PTPRN2: variants seen among roughly 807,000 people sequenced by gnomAD.
PTPRN2 encodes protein tyrosine phosphatase receptor type N2.
In PTPRN2, 74 loss-of-function variants were observed where a neutral mutation model predicts 118.8. The ratio of observed to expected loss-of-function variants is 0.62; its 90% CI spans 0.52 to 0.76. PTPRN2 has a LOEUF of 0.76. Ranked by LOEUF, PTPRN2 falls within the 30% of genes least tolerant of loss-of-function variation. The probability of loss-of-function intolerance (pLI) is 0.00; values close to 1 mark genes in which losing one functional copy is unlikely to be tolerated. For missense variants in PTPRN2, 1,481 were observed against 1,394.4 expected (o/e 1.06, Z -0.99); for synonymous variants, 641 against 608.0 (o/e 1.05, Z -0.80).
chr7:157,595,467 G>A (rs1263680239), intron 16 of PTPRN2, 152 bp from the exon 17 acceptor site: 3 of 648,414 alleles, frequency 4.6e-6, no homozygotes, highest in Non-Finnish European at 7.9e-6. Flanking sequence ...AAACCTGGGG[G>A]TTAGGAAGCC....
chr7:158,334,865 C>T (rs372585585), intron 2 of PTPRN2, among the ~76,000 whole-genome samples: 1 of 17,160 alleles, frequency 5.8e-5, no homozygotes, highest in Non-Finnish European at 1.7e-4. Flanking sequence ...CTCACACCCA[C>T]ACTCTCACCA....
At chr7:157,797,736 T>C (rs561518644) in intron 12 of PTPRN2, among the ~76,000 whole-genome samples, 2 of 152,342 alleles carry the variant, frequency 1.3e-5, no homozygotes, top group East Asian at 3.9e-4. Context: ...AGGGGCTGCG[T>C]TGGGCCAGGC....
chr7:157,854,070 TGGTGGG>T (rs1272365571), intron 12 of PTPRN2, among the ~76,000 whole-genome samples: 2 of 152,084 alleles, frequency 1.3e-5, no homozygotes, highest in Admixed American at 6.5e-5. Flanking sequence ...AGCCTGTGAG[TGGTGGG>T]CGATGAATCT....
chr7:158,394,216 C>T (rs1010373801), intron 2 of PTPRN2, among the ~76,000 whole-genome samples: 4 of 152,056 alleles, frequency 2.6e-5, no homozygotes, highest in South Asian at 2.1e-4. Context: ...ATGTCCCCCA[C>T]AGATGCCTGG....
chr7:158,149,886 G>A (rs1820776708), intron 6 of PTPRN2, among the ~76,000 whole-genome samples: 1 of 151,038 alleles, frequency 6.6e-6, no homozygotes, highest in Admixed American at 6.6e-5. Flanking sequence ...TCTAAGTTAT[G>A]CTGAACAAAA....
intron 11 of PTPRN2, among the ~76,000 whole-genome samples, chr7:157,957,050 C>T (rs1801227393): frequency 6.6e-6 from 1 of 152,142 alleles, no homozygotes; most frequent in South Asian, 2.1e-4. Flanking sequence ...ACCACATGAG[C>T]GAATGGCCAC....
At chr7:158,415,697 C>T (rs765814510) in intron 2 of PTPRN2, among the ~76,000 whole-genome samples, 3 of 152,158 alleles carry the variant, frequency 2.0e-5, no homozygotes, top group Admixed American at 6.5e-5. Context: ...ATCCCATACA[C>T]GCAAATCCTC....
At chr7:157,607,781 C>A (rs534769391) in intron 15 of PTPRN2, among the ~76,000 whole-genome samples, 14 of 152,322 alleles carry the variant, frequency 9.2e-5, no homozygotes, top group Middle Eastern at 3.4e-3. Context: ...TAAGAAAATG[C>A]TTCCCTAGCT....
At chr7:157,582,737 C>G (rs552400952) in intron 17 of PTPRN2, among the ~76,000 whole-genome samples, 116 of 151,726 alleles carry the variant, frequency 7.6e-4, no homozygotes, top group Non-Finnish European at 1.4e-3. Context: ...AGCCGGGTAT[C>G]GTGGCATGCA....
In PTPRN2 at chr7:157,861,090, G is replaced by A. The variant is rs1337511685; in HGVS notation, c.1788+37583C>T. The stretch of plus-strand genomic sequence containing the variant: ...TGGAAGAGGAACCCCACGGCACAGC[G>A]GACACCATGTGGGACCCCAGCACGG... On this transcript the variant is annotated intron_variant, in intron 12 of 22. Transcript: ENST00000389418. The surrounding 1 kb of genome is among the most constrained non-coding windows in gnomAD (Gnocchi z 5.8). 4.6e-5 allele frequency among the ~76,000 whole-genome samples: 7 copies of A among 152,194 alleles called. No homozygotes were observed. Among genetic ancestry groups the A allele is most frequent in the East Asian group, 1.9e-4 (1 of 5,192 alleles).
At chr7:158,159,901 G>C (rs1440667226) in intron 6 of PTPRN2, among the ~76,000 whole-genome samples, 1 of 150,496 alleles carries the variant, frequency 6.6e-6, no homozygotes, top group African/African-American at 2.4e-5. Context: ...AATCTCAAAA[G>C]ATACAGTCCC....
intron 3 of PTPRN2, among the ~76,000 whole-genome samples, chr7:158,313,044 G>A (rs536782083): frequency 4.0e-4 from 61 of 151,982 alleles, no homozygotes; most frequent in Non-Finnish European, 7.4e-4. Flanking sequence ...ATGAGCACGT[G>A]AATGTGTGTG....
At chr7:158,103,154 C>T (rs1815381749) in intron 10 of PTPRN2, among the ~76,000 whole-genome samples, 1 of 152,240 alleles carries the variant, frequency 6.6e-6, no homozygotes, top group South Asian at 2.1e-4. Flanking sequence ...GAGGCTCCCA[C>T]TTACCACCTG....
chr7:157,545,424 G>T (rs1373415867), intron 22 of PTPRN2, among the ~76,000 whole-genome samples: 4 of 149,984 alleles, frequency 2.7e-5, no homozygotes, highest in East Asian at 2.0e-4. Context: ...GGTGTGTGTG[G>T]ATGTATGCAT....
intron 2 of PTPRN2, among the ~76,000 whole-genome samples, chr7:158,481,534 G>C (rs755973772): frequency 6.6e-6 from 1 of 152,166 alleles, no homozygotes; most frequent in Non-Finnish European, 1.5e-5. Context: ...GTGCGATCTC[G>C]GCTCACTACA....
intron 12 of PTPRN2, among the ~76,000 whole-genome samples, chr7:157,786,465 C>T (rs1585463588): frequency 6.6e-6 from 1 of 152,236 alleles, no homozygotes; most frequent in African/African-American, 2.4e-5. Flanking sequence ...TCACAAAGCA[C>T]TCCTGGGCAC....
intron 12 of PTPRN2, among the ~76,000 whole-genome samples, chr7:157,775,656 C>T (rs1803161570): frequency 6.6e-6 from 1 of 152,304 alleles, no homozygotes; most frequent in East Asian, 1.9e-4. Context: ...GAGGCGGGCG[C>T]AGCCTCGGGG....
At chr7:158,318,199 G>A (rs1409618666) in intron 2 of PTPRN2, among the ~76,000 whole-genome samples, 3 of 152,212 alleles carry the variant, frequency 2.0e-5, no homozygotes, top group Non-Finnish European at 4.4e-5. Context: ...GGGAACACAG[G>A]CAGATGTGCC....
intron 1 of PTPRN2, among the ~76,000 whole-genome samples, chr7:158,558,197 CCTGGTCT>C (rs1486489353): frequency 6.6e-6 from 1 of 152,066 alleles, no homozygotes; most frequent in Non-Finnish European, 1.5e-5. Context: ...TGTTGCCCAG[CCTGGTCT>C]TGAACTCCTG....
Sources: gnomAD v4.1 joint callset for allele counts (sites outside exome capture counted in the v4.1 genomes callset) on GRCh38, gnomAD v4.1.1 for gene constraint, Gnocchi (gnomAD v3.1) non-coding constraint, MANE v1.5 for transcripts, NCBI Gene and HGNC (gene_info 2026-07-23, HGNC 2026-07-21) for gene names.